KAZN: variants seen among roughly 807,000 people sequenced by gnomAD.
KAZN encodes the protein kazrin.
In KAZN, 40 loss-of-function variants were observed where a neutral mutation model predicts 87.4. That is an observed-to-expected ratio of 0.46 (90% CI 0.36 to 0.60). The LOEUF is 0.60. Ranked by LOEUF, KAZN falls within the 20% of genes least tolerant of loss-of-function variation. The probability of loss-of-function intolerance (pLI) is 0.00; values close to 1 mark genes in which losing one functional copy is unlikely to be tolerated. For missense variants in KAZN, 898 were observed against 1,073.9 expected, an observed-to-expected ratio of 0.84 and a Z score of 2.29; for synonymous variants, 466 against 458.3, an observed-to-expected ratio of 1.02 and a Z score of -0.22.
chr1:13,899,904 A>G (rs1357508146), intron 1 of KAZN, among the ~76,000 whole-genome samples: 2 of 152,060 alleles, frequency 1.3e-5, no homozygotes, highest in Non-Finnish European at 2.9e-5. Flanking sequence ...TCGGCCTCCC[A>G]AAGTGTGCCC....
chr1:14,027,735 G>A (rs547252370), intron 1 of KAZN, among the ~76,000 whole-genome samples: 1 of 152,324 alleles, frequency 6.6e-6, no homozygotes, highest in Non-Finnish European at 1.5e-5. Flanking sequence ...GGGACAAGCA[G>A]TGGCTGCCAA....
intron 1 of KAZN, among the ~76,000 whole-genome samples, chr1:14,039,418 T>A (rs982862344): frequency 5.3e-5 from 8 of 152,164 alleles, no homozygotes; most frequent in African/African-American, 1.9e-4. Flanking sequence ...ATCGATGCAC[T>A]TTGTCATTGT....
intron 1 of KAZN, among the ~76,000 whole-genome samples, chr1:14,684,880 C>T (rs1483699998): frequency 1.3e-5 from 2 of 152,116 alleles, no homozygotes. Flanking sequence ...CTTTTAAATA[C>T]TATGCAAGGT....
rs72870377 is a variant in KAZN, at chr1:14,879,969, T to C, written c.227-80715T>C. Reference sequence around the variant, plus strand: ...GAAAAGAAGGCTCACAAAGATTGAATTCAAGTCAAGAATCTCAAGGCAAAT... The same window carrying C: ...GAAAAGAAGGCTCACAAAGATTGAACTCAAGTCAAGAATCTCAAGGCAAAT... On this transcript the variant is annotated intron_variant, in intron 1 of 14. Transcript: ENST00000376030. 4.1e-3 allele frequency among the ~76,000 whole-genome samples: 623 copies of C among 152,304 alleles called. 5 individuals are homozygous for C. Among genetic ancestry groups the C allele is most frequent in the African/African-American group, 0.014 (592 of 41,552 alleles).
intron 8 of KAZN, chr1:15,067,096 C>T: frequency 1.0e-6 from 1 of 985,774 alleles, no homozygotes; most frequent in Non-Finnish European, 1.2e-6. Flanking sequence ...AGCTTCTGTT[C>T]CTCCCTGCAG....
chr1:14,579,958 C>T (rs1223121202), intron 2 of KAZN, among the ~76,000 whole-genome samples: 1 of 152,008 alleles, frequency 6.6e-6, no homozygotes, highest in East Asian at 1.9e-4. Flanking sequence ...ATCATATAGA[C>T]CTTTTGCCAA....
intron 1 of KAZN, among the ~76,000 whole-genome samples, chr1:14,647,191 C>G (rs1292368827): frequency 3.3e-5 from 5 of 152,126 alleles, no homozygotes; most frequent in Non-Finnish European, 5.9e-5. Flanking sequence ...TAATCATACC[C>G]CGGGGCGCAG....
intron 1 of KAZN, among the ~76,000 whole-genome samples, chr1:14,900,131 G>T (rs1204347393): frequency 6.6e-6 from 1 of 152,188 alleles, no homozygotes. Context: ...CACCCCGATG[G>T]CTATGACATG....
At chr1:13,997,815 C>G (rs771638118) in intron 1 of KAZN, among the ~76,000 whole-genome samples, 3 of 152,056 alleles carry the variant, frequency 2.0e-5, no homozygotes, top group Non-Finnish European at 4.4e-5. Flanking sequence ...TATCCAGGAG[C>G]ACTTCCCCAA....
chr1:14,976,459 C>T lies in KAZN; in HGVS notation c.418+15584C>T, dbSNP rs115428604. Among the ~76,000 whole-genome samples, 567 of 152,352 alleles carry T rather than the reference C, an allele frequency of 3.7e-3. 5 individuals carry two copies. The highest frequency in any genetic ancestry group is 0.013 in the African/African-American group (542 of 41,590). ...GAATTCCGGAGGAACTGCTCACTCA[C>T]AGGCCCTGGACCATGACGACCCAGA... On this transcript the variant is annotated intron_variant, in intron 2 of 14. Transcript: ENST00000376030.
intron 1 of KAZN, among the ~76,000 whole-genome samples, chr1:14,940,898 CTTTTT>C (rs66777443): frequency 0.025 from 1,346 of 54,464 alleles, 37 homozygotes; most frequent in Non-Finnish European, 0.031. Context: ...TTCTACCTTT[CTTTTT>C]TTTTTTTTTT....
intron 1 of KAZN, among the ~76,000 whole-genome samples, chr1:13,902,864 C>T (rs1018764724): frequency 4.6e-5 from 7 of 152,186 alleles, no homozygotes; most frequent in Admixed American, 6.5e-5. Context: ...GGAAAAAGCT[C>T]TTAAACAGAC....
chr1:14,386,076 T>A (rs1661856809), intron 2 of KAZN, among the ~76,000 whole-genome samples: 1 of 151,114 alleles, frequency 6.6e-6, no homozygotes, highest in Non-Finnish European at 1.5e-5. Flanking sequence ...AATGGCCTTC[T>A]TTGTCTCTTT....
At chr1:14,084,508 A>G (rs977241708) in intron 1 of KAZN, among the ~76,000 whole-genome samples, 8 of 152,146 alleles carry the variant, frequency 5.3e-5, no homozygotes, top group African/African-American at 1.9e-4. Context: ...CATATTGTAC[A>G]CATCATTAAA....
intron 1 of KAZN, among the ~76,000 whole-genome samples, chr1:14,816,374 AC>A (rs1646563028): frequency 6.6e-6 from 1 of 152,052 alleles, no homozygotes; most frequent in Non-Finnish European, 1.5e-5. Context: ...CTGGGGAACA[AC>A]CCACTGCTAT....
At chr1:14,689,160 A>C (rs1641133911) in intron 1 of KAZN, among the ~76,000 whole-genome samples, 1 of 152,178 alleles carries the variant, frequency 6.6e-6, no homozygotes, top group Non-Finnish European at 1.5e-5. Flanking sequence ...GTGCCACTGC[A>C]CTCCAGCCTG....
chr1:14,694,387 G>T (rs1261100577), intron 1 of KAZN, among the ~76,000 whole-genome samples: 1 of 152,256 alleles, frequency 6.6e-6, no homozygotes, highest in Non-Finnish European at 1.5e-5. Flanking sequence ...AGGTAGTCAG[G>T]CATGCTGAAG....
At position 15,094,314 on chromosome 1, in the gene KAZN, G is replaced by T; in HGVS notation, c.1357G>T (p.Ala453Ser). 1 of 1,613,970 alleles carries T rather than the reference G, an allele frequency of 6.2e-7. No homozygotes were observed. The highest frequency in any genetic ancestry group is 8.5e-7 in the Non-Finnish European group (1 of 1,179,884). The change falls in exon 9 of 15, where the codon GCC becomes TCC. Residue 453 changes from alanine (A) to serine (S), a missense_variant. Transcript: ENST00000376030. The surrounding 1 kb of genome is among the most constrained non-coding windows in gnomAD (Gnocchi z 4.5). The part of the protein sequence containing the change: ...MSHWKAGTVQ[A>S]WLEVVMAMPM... ...CCACTGGAAGGCGGGCACCGTCCAG[G>T]CCTGGCTGGAGGTGGTGATGGCCAT...
At chr1:14,771,578 C>T (rs921797075) in intron 1 of KAZN, among the ~76,000 whole-genome samples, 16 of 152,094 alleles carry the variant, frequency 1.1e-4, no homozygotes, top group Middle Eastern at 3.2e-3. Flanking sequence ...GTAATCCCAG[C>T]ACTTTGGGAG....
Sources: gnomAD v4.1 joint callset for allele counts (sites outside exome capture counted in the v4.1 genomes callset) on GRCh38, gnomAD v4.1.1 for gene constraint, Gnocchi (gnomAD v3.1) non-coding constraint, MANE v1.5 for transcripts, NCBI Gene and HGNC (gene_info 2026-07-23, HGNC 2026-07-21) for gene names.